The following WRAP73 variants were observed in gnomAD, a reference collection of about 807,000 sequenced individuals.
WRAP73 encodes WD repeat containing, antisense to TP73.
In WRAP73, 55 loss-of-function variants were observed where a neutral mutation model predicts 59.6. That is an observed-to-expected ratio of 0.92 (90% CI 0.74 to 1.15). The LOEUF is 1.15. Ranked by LOEUF, WRAP73 falls within the 50% of genes most tolerant of loss-of-function variation. WRAP73 has a pLI of 0.00. For missense variants in WRAP73, 592 were observed against 608.1 expected (o/e 0.97, Z 0.28); for synonymous variants, 265 against 258.2 (o/e 1.03, Z -0.25).
At position 3,646,951 on chromosome 1, in the gene WRAP73, G is replaced by A. The variant is rs1232723351; in HGVS notation, c.223-169C>T. ...AGAGACAACTCCCTTAAAACCAGCAGAGACCCGATCACACAGGGTGTCTTT... is the reference window on the plus strand; with the variant it reads ...AGAGACAACTCCCTTAAAACCAGCAAAGACCCGATCACACAGGGTGTCTTT... On this transcript the variant is annotated intron_variant, in intron 2 of 11. Transcript: ENST00000270708. This position sits in a 1 kb window ranked among gnomAD's most constrained non-coding sequence, Gnocchi z 5.1. Among the ~76,000 whole-genome samples the A allele has an allele frequency of 6.6e-6, 1 of 151,764 alleles. No individual in the cohort carries two copies. Among genetic ancestry groups the A allele is most frequent in the Non-Finnish European group, 1.5e-5 (1 of 67,936 alleles).
Position 3,631,448 on chromosome 1 carries a change from C to A in WRAP73, c.1240+18G>T. 6.4e-7 allele frequency: 1 copy of A among 1,573,166 alleles called. No individual in the cohort carries two copies. Among genetic ancestry groups the A allele is most frequent in the Non-Finnish European group, 8.6e-7 (1 of 1,158,488 alleles). On this transcript the variant is annotated intron_variant, in intron 11 of 11. Coordinates refer to ENST00000270708, the MANE Select transcript of WRAP73 (RefSeq NM_017818.4). ...CACAGCAAGGCTGCCACGTCCGTGGCCTCGGGGATGTGCTTACCTTCCCCA... is the reference window on the plus strand; with the variant it reads ...CACAGCAAGGCTGCCACGTCCGTGGACTCGGGGATGTGCTTACCTTCCCCA...
In WRAP73 at chr1:3,631,888, T is replaced by TG. The variant is rs1426079170; in HGVS notation, c.1049-232_1049-231insC. 7.9e-6 allele frequency: 9 copies of TG among 1,139,094 alleles called. No individual in the cohort carries two copies. In the African/African-American group the frequency reaches 1.1e-4, roughly 14 times the overall value. 70.6% of individuals were successfully genotyped at this position (1,139,094 alleles called of 1,614,324 possible). On this transcript the variant is annotated intron_variant, in intron 10 of 11. Transcript: ENST00000270708. ...CAAATGTGTTTCTTTCTTTGGTATT[T>TG]TTTTTTTTTTTTTAGCCCTTTACAA...
rs575675757 is a variant in WRAP73, at chr1:3,633,267, A to T, written c.922+131T>A. The T allele has an allele frequency of 1.6e-5, 13 of 835,774 alleles. No homozygotes were observed. The African/African-American group carries it at 1.7e-4, about 11-fold the overall frequency. The allele number at this position is 835,774 out of a possible 1,614,324, so 51.8% of individuals were successfully genotyped here. ...ACCTCCAGCCAACAGGCTGAGGGGC[A>T]CACTGGCTGGAAGCATGGAAGGGAA... On this transcript the variant is annotated intron_variant, in intron 9 of 11. Coordinates refer to ENST00000270708, the MANE Select transcript of WRAP73 (RefSeq NM_017818.4).
chr1:3,634,934 G>T, intron 8 of WRAP73, 63 bp downstream of exon 8: 1 of 1,563,298 alleles, frequency 6.4e-7, no homozygotes, highest in South Asian at 1.1e-5. Context: ...CAAAGTGAAG[G>T]AGCAGTTTCC....
intron 9 of WRAP73, 119 bp from the exon 10 acceptor site, chr1:3,632,457 G>A (rs1644546051): frequency 6.5e-7 from 1 of 1,528,470 alleles, no homozygotes; most frequent in Admixed American, 1.7e-5. Context: ...TCAAAGGGGA[G>A]GAAAGTGCGG....
chr1:3,632,197 C>A lies in WRAP73; in HGVS notation c.1048+16G>T. ...ACAGTAAAGGGTGAGACAGCACCTG[C>A]GTCAGCACAACTGACCGTTCCTTGT... On this transcript the variant is annotated intron_variant, in intron 10 of 11. Transcript: ENST00000270708. 1 of 1,607,140 alleles carries A rather than the reference C, an allele frequency of 6.2e-7. No homozygotes were observed. Among genetic ancestry groups the A allele is most frequent in the Non-Finnish European group, 8.5e-7 (1 of 1,176,036 alleles).
rs1570301223 is a variant in WRAP73 at position 3,638,659 on chromosome 1, T to A, written c.412+91A>T. 3 of 1,434,860 alleles carry A rather than the reference T, an allele frequency of 2.1e-6. No individual in the cohort carries two copies. In the Admixed American group the frequency reaches 5.1e-5, roughly 24 times the overall value. The allele number at this position is 1,434,860 out of a possible 1,614,324, so 88.9% of individuals were successfully genotyped here. ...GGTTGGCTATGTGTTGATATGCTGC[T>A]GAAGCTACTTCTGCCTCTTTGAAAC... On this transcript the variant is annotated intron_variant, in intron 4 of 11. Coordinates refer to ENST00000270708, the MANE Select transcript of WRAP73 (RefSeq NM_017818.4).
intron 9 of WRAP73, 76 bp downstream of exon 9, chr1:3,633,322 C>T: frequency 7.4e-7 from 1 of 1,360,168 alleles, no homozygotes; most frequent in Non-Finnish European, 1.0e-6. Flanking sequence ...ACATAAGGAA[C>T]ATCCGAAGTT....
intron 6 of WRAP73, 89 bp downstream of exon 6, chr1:3,635,855 A>G: frequency 1.7e-6 from 2 of 1,156,500 alleles, no homozygotes; most frequent in Non-Finnish European, 2.6e-6. Context: ...CTGAAATAAG[A>G]TAAAGCAAAC....
chr1:3,633,658 G>A (rs1020791379), intron 8 of WRAP73, 155 bp from the exon 9 acceptor site: 11 of 613,996 alleles, frequency 1.8e-5, no homozygotes, highest in Middle Eastern at 4.4e-4. Flanking sequence ...CACGAACCCC[G>A]CAGTCCCGAG....
Position 3,633,414 on chromosome 1 carries a change from C to G in WRAP73, c.906G>C (p.Pro302=), listed in dbSNP as rs367738847. The G allele has an allele frequency of 6.4e-5, 104 of 1,612,474 alleles. No individual in the cohort carries two copies. The highest frequency in any genetic ancestry group is 1.7e-5 in the Admixed American group (1 of 59,976). ...PPPRAGAGPL[P]SSESKYEIAS... Reference sequence around the variant, plus strand: ...GCTACTTACATTTACTCTCTGAGCTCGGGAGAGGGCCGGCCCCGGCCCGGG... The same window carrying G: ...GCTACTTACATTTACTCTCTGAGCTGGGGAGAGGGCCGGCCCCGGCCCGGG... The change falls in exon 9 of 12, where the codon CCG becomes CCC. Residue 302 remains proline, a synonymous_variant. Coordinates refer to ENST00000270708, the MANE Select transcript of WRAP73 (RefSeq NM_017818.4).
chr1:3,643,300 C>T (rs1261944527), intron 3 of WRAP73, among the ~76,000 whole-genome samples: 1 of 152,242 alleles, frequency 6.6e-6, no homozygotes, highest in Non-Finnish European at 1.5e-5. Context: ...GACTCAAGAA[C>T]AGTGAGGATG....
chr1:3,631,705 C>T (rs747688819), intron 10 of WRAP73, 48 bp from the exon 11 acceptor site: 1 of 1,552,186 alleles, frequency 6.4e-7, no homozygotes, highest in South Asian at 1.2e-5. Flanking sequence ...CCTGGCTCCT[C>T]TGTGTTGGCC....
chr1:3,641,131 T>C (rs1253417055), intron 3 of WRAP73, among the ~76,000 whole-genome samples: 2 of 152,120 alleles, frequency 1.3e-5, no homozygotes, highest in Admixed American at 1.3e-4. Context: ...AGGAGACCCG[T>C]GGGATGGGCT....
Position 3,638,731 on chromosome 1 carries a change from G to T in WRAP73, c.412+19C>A. On this transcript the variant is annotated intron_variant, in intron 4 of 11. Transcript: ENST00000270708. Reference sequence around the variant, plus strand: ...ACAGCTGCAAAGAAATGGCTTTTGCGTGGCTCCGATCGACTCACCCTGCAG... The same window carrying T: ...ACAGCTGCAAAGAAATGGCTTTTGCTTGGCTCCGATCGACTCACCCTGCAG... 3 of 1,613,578 alleles carry T rather than the reference G, an allele frequency of 1.9e-6. No homozygotes were observed. The Middle Eastern group carries it at 5.0e-4, about 266-fold the overall frequency.
chr1:3,636,049 GA>G lies in WRAP73; in HGVS notation c.517-20del, dbSNP rs767792368. 7 of 1,590,798 alleles carry G rather than the reference GA, an allele frequency of 4.4e-6. No homozygotes were observed. Among genetic ancestry groups the G allele is most frequent in the Admixed American group, 3.4e-5 (2 of 59,298 alleles). On this transcript the variant is annotated intron_variant, in intron 5 of 11. Transcript: ENST00000270708. ...CAAAATGCTTCCAAAGGAAGGGGGGGAAACATTAAATTTGGAAAATATTTTC... is the reference window on the plus strand; with the variant it reads ...CAAAATGCTTCCAAAGGAAGGGGGGGAACATTAAATTTGGAAAATATTTTC...
At chr1:3,638,070 C>T (rs766266720) in intron 4 of WRAP73, among the ~76,000 whole-genome samples, 5 of 152,170 alleles carry the variant, frequency 3.3e-5, no homozygotes, top group Non-Finnish European at 4.4e-5. Flanking sequence ...GCATTGCATT[C>T]AAATGCAATT....
Position 3,630,859 on chromosome 1 carries a change from A to G in WRAP73, c.*116T>C, listed in dbSNP as rs991675408. On this transcript the variant is annotated 3_prime_UTR_variant, in exon 12 of 12. Transcript: ENST00000270708. Reference sequence around the variant, plus strand: ...CAAAAATGCTTTGCTATAGAAAAATAGAATCAATCACTGAATCCAGACCAC... The same window carrying G: ...CAAAAATGCTTTGCTATAGAAAAATGGAATCAATCACTGAATCCAGACCAC... 1 of 1,359,090 alleles carries G rather than the reference A, an allele frequency of 7.4e-7. No homozygotes were observed. Among genetic ancestry groups the G allele is most frequent in the East Asian group, 2.3e-5 (1 of 42,556 alleles). The allele number at this position is 1,359,090 out of a possible 1,614,324, so 84.2% of individuals were successfully genotyped here. A position where few individuals can be genotyped will look rare whatever the true frequency, so the allele number is the denominator to read the frequency against.
At chr1:3,644,990 G>A (rs1644675962) in intron 3 of WRAP73, among the ~76,000 whole-genome samples, 1 of 152,194 alleles carries the variant, frequency 6.6e-6, no homozygotes, top group African/African-American at 2.4e-5. Context: ...TATCCTCTCT[G>A]AAACACTCAG....
Sources: allele counts gnomAD v4.1 joint callset (sites outside exome capture counted in the v4.1 genomes callset), GRCh38; gene constraint gnomAD v4.1.1; non-coding constraint Gnocchi (gnomAD v3.1); transcripts MANE v1.5; gene names NCBI Gene and HGNC (gene_info 2026-07-23, HGNC 2026-07-21).